The following DPYS variants were observed in gnomAD, a reference collection of about 807,000 sequenced individuals.
The protein encoded by DPYS is dihydropyrimidinase.
A neutral mutation model predicts 50.3 loss-of-function variants in DPYS; 39 were observed. That is an observed-to-expected ratio of 0.78 (90% CI 0.60 to 1.01). DPYS has a LOEUF of 1.01. Ranked by LOEUF, DPYS falls within the 50% of genes least tolerant of loss-of-function variation. DPYS has a pLI of 0.00. For missense variants in DPYS, 659 were observed against 680.9 expected (o/e 0.97, Z 0.36); for synonymous variants, 245 against 250.7 (o/e 0.98, Z 0.22).
intron 7 of DPYS, among the ~76,000 whole-genome samples, chr8:104,416,516 G>A (rs968194073): frequency 6.6e-6 from 1 of 152,124 alleles, no homozygotes; most frequent in Non-Finnish European, 1.5e-5. Flanking sequence ...CCCACACAAT[G>A]CACACTGGGA....
intron 7 of DPYS, among the ~76,000 whole-genome samples, chr8:104,407,325 G>C (rs1251665950): frequency 1.3e-5 from 2 of 152,140 alleles, no homozygotes; most frequent in African/African-American, 2.4e-5. Context: ...AGAGCTAAAT[G>C]CACATTTATA....
intron 1 of DPYS, among the ~76,000 whole-genome samples, chr8:104,451,656 T>C (rs1366481796): frequency 1.3e-5 from 2 of 152,208 alleles, no homozygotes; most frequent in African/African-American, 4.8e-5. Flanking sequence ...AAAATGGATT[T>C]GACTCAAAGA....
At chr8:104,427,460 G>T (rs1812769794) in intron 6 of DPYS, among the ~76,000 whole-genome samples, 1 of 151,710 alleles carries the variant, frequency 6.6e-6, no homozygotes, top group Non-Finnish European at 1.5e-5. Flanking sequence ...TGTATTTTTA[G>T]TAGAGATGGG....
intron 6 of DPYS, among the ~76,000 whole-genome samples, chr8:104,427,641 A>C (rs976629828): frequency 3.9e-5 from 6 of 152,038 alleles, no homozygotes; most frequent in Non-Finnish European, 5.9e-5. Flanking sequence ...ACTGGAATTC[A>C]AGAGCATGAG....
At chr8:104,435,163 T>A (rs780465650) in intron 4 of DPYS, among the ~76,000 whole-genome samples, 10 of 152,266 alleles carry the variant, frequency 6.6e-5, no homozygotes, top group Non-Finnish European at 1.3e-4. Context: ...GTATAGCTAC[T>A]CAGACCAAAA....
At chr8:104,457,958 T>G (rs905001254) in intron 1 of DPYS, among the ~76,000 whole-genome samples, 14 of 152,138 alleles carry the variant, frequency 9.2e-5, no homozygotes, top group African/African-American at 3.4e-4. Context: ...TCCAGGAGCC[T>G]CTCTACTCCT....
intron 7 of DPYS, among the ~76,000 whole-genome samples, chr8:104,412,193 A>C (rs920280583): frequency 1.3e-5 from 2 of 152,218 alleles, no homozygotes; most frequent in Middle Eastern, 3.2e-3. Context: ...ACCGATGTCC[A>C]GGAGCGTTGG....
chr8:104,428,598 C>T (rs1812820552), intron 5 of DPYS, among the ~76,000 whole-genome samples: 1 of 152,234 alleles, frequency 6.6e-6, no homozygotes, highest in African/African-American at 2.4e-5. Context: ...CACGGCCACA[C>T]TGGGATGAAC....
chr8:104,466,869 C>T lies in DPYS; in HGVS notation c.52G>A (p.Asp18Asn). Residue 18 changes from aspartate (D) to asparagine (N), a missense_variant, in exon 1 of 10, where the codon GAC (aspartate) becomes AAC (asparagine). Transcript: ENST00000351513. ...LIRGGRVVNDDFSEVADVLVE... is the reference protein window; with the variant it reads ...LIRGGRVVNDNFSEVADVLVE... ...AGCACGTCGGCCACCTCCGAGAAGT[C>T]ATCGTTGACCACGCGACCCCCGCGG... 7 of 1,521,260 alleles carry T rather than the reference C, an allele frequency of 4.6e-6. No individual in the cohort carries two copies. Among genetic ancestry groups the T allele is most frequent in the African/African-American group, 4.2e-5 (3 of 70,658 alleles). The allele number at this position is 1,521,260 out of a possible 1,614,324, so 94.2% of individuals were successfully genotyped here.
chr8:104,455,427 T>A (rs1276356268), intron 1 of DPYS, among the ~76,000 whole-genome samples: 1 of 151,300 alleles, frequency 6.6e-6, no homozygotes, highest in African/African-American at 2.4e-5. Context: ...GCGAAGGGAG[T>A]CAGGTGAGCT....
chr8:104,463,802 C>G (rs1168975305), intron 1 of DPYS, among the ~76,000 whole-genome samples: 3 of 152,166 alleles, frequency 2.0e-5, no homozygotes, highest in Non-Finnish European at 4.4e-5. Flanking sequence ...AAACAAACAC[C>G]CACCAGCGTT....
intron 7 of DPYS, among the ~76,000 whole-genome samples, chr8:104,396,262 AAAG>A (rs1481535793): frequency 3.3e-5 from 5 of 152,208 alleles, no homozygotes; most frequent in African/African-American, 1.2e-4. Flanking sequence ...CATACTATAT[AAAG>A]AAGATTTTTG....
In DPYS at chr8:104,460,733, G is replaced by A. The variant is rs2853130; in HGVS notation, c.264+5924C>T. Among the ~76,000 whole-genome samples the A allele has an allele frequency of 7.9e-5, 12 of 152,166 alleles. No homozygotes were observed. The East Asian group carries it at 2.3e-3, about 29-fold the overall frequency. ...CACCCTTAACAGAACCAAAGCTTTA[G>A]TTAGCATCAAGTGGTTTCAGTTAAT... is the stretch of plus-strand genomic sequence containing the variant. On this transcript the variant is annotated intron_variant, in intron 1 of 9. Coordinates refer to ENST00000351513, the MANE Select transcript of DPYS (RefSeq NM_001385.3).
At chr8:104,403,385 G>A (rs1352171646) in intron 7 of DPYS, among the ~76,000 whole-genome samples, 2 of 152,138 alleles carry the variant, frequency 1.3e-5, no homozygotes, top group Non-Finnish European at 2.9e-5. Flanking sequence ...GAATCCGTGA[G>A]GCCAAGAACC....
At chr8:104,416,550 G>T (rs896625497) in intron 7 of DPYS, among the ~76,000 whole-genome samples, 1 of 152,090 alleles carries the variant, frequency 6.6e-6, no homozygotes, top group African/African-American at 2.4e-5. Context: ...GGGGAGTGGC[G>T]GGCGCGTTAG....
At position 104,415,001 on chromosome 8, in the gene DPYS, A is replaced by AG; in HGVS notation, c.1235+9245dup. 2.6e-5 allele frequency among the ~76,000 whole-genome samples: 4 copies of AG among 152,340 alleles called. 1 individual carries two copies. In the Middle Eastern group the frequency reaches 0.01, roughly 389 times the overall value. On this transcript the variant is annotated intron_variant, in intron 7 of 9. Transcript: ENST00000351513. ...GAGAATTCTCTTCTTTTTAATTCAAAGGGGGGAAGAATGTAAAACACGGCT... is the reference window on the plus strand; with the variant it reads ...GAGAATTCTCTTCTTTTTAATTCAAAGGGGGGGAAGAATGTAAAACACGGCT...
intron 7 of DPYS, chr8:104,419,582 C>T (rs1033096847): frequency 6.6e-5 from 10 of 152,190 alleles, no homozygotes; most frequent in African/African-American, 2.4e-4. Flanking sequence ...AGTGGTAAGT[C>T]GTGCTCACCG....
intron 7 of DPYS, 59 bp from the exon 8 acceptor site, chr8:104,393,050 T>C: frequency 3.3e-5 from 49 of 1,483,464 alleles, no homozygotes; most frequent in Non-Finnish European, 4.5e-5. Flanking sequence ...TTGATAAATA[T>C]AAAATATTAA....
Position 104,447,622 on chromosome 8 carries a change from ATAGTT to A in DPYS, c.424-124_424-120del. 4.1e-6 allele frequency: 5 copies of A among 1,222,366 alleles called. No individual in the cohort carries two copies. The South Asian group carries it at 6.4e-5, about 16-fold the overall frequency. 75.7% of individuals were successfully genotyped at this position (1,222,366 alleles called of 1,614,324 possible). A position where few individuals can be genotyped will look rare whatever the true frequency, so the allele number is the denominator to read the frequency against. ...AAGTAAAATAAGGAAAATAAGGACAATAGTTTAGTTCCACAAAAATGCAATTAAGG... is the reference window on the plus strand; with the variant it reads ...AAGTAAAATAAGGAAAATAAGGACAATAGTTCCACAAAAATGCAATTAAGG... On this transcript the variant is annotated intron_variant, in intron 2 of 9. Coordinates refer to ENST00000351513, the MANE Select transcript of DPYS (RefSeq NM_001385.3).
Sources: allele counts gnomAD v4.1 joint callset (sites outside exome capture counted in the v4.1 genomes callset), GRCh38; gene constraint gnomAD v4.1.1; transcripts MANE v1.5; gene names NCBI Gene and HGNC (gene_info 2026-07-23, HGNC 2026-07-21).